Variants in MAPK12 observed in about 807,000 individuals in gnomAD.
MAPK12 encodes the protein MAP kinase 12.
In MAPK12, 49 loss-of-function variants were observed where a neutral mutation model predicts 49.1. That is an observed-to-expected ratio of 1.00 (90% CI 0.79 to 1.27). The LOEUF (loss-of-function observed/expected upper bound fraction) is 1.27, where lower values mean the gene tolerates loss of function less well. MAPK12 is among the 50% of genes most tolerant of loss of function. The probability of loss-of-function intolerance (pLI) is 0.00; values close to 1 mark genes in which losing one functional copy is unlikely to be tolerated. For synonymous variants in MAPK12, 251 were observed against 209.7 expected, an observed-to-expected ratio of 1.20 and a Z score of -1.70; for missense variants, 554 against 502.4, an observed-to-expected ratio of 1.10 and a Z score of -0.98.
chr22:50,255,578 G>GCGCCCCCCCCCCCCCCCCCCCC, intron 9 of MAPK12, 37 bp downstream of exon 9: 1 of 1,582,016 alleles, frequency 6.3e-7, no homozygotes, highest in Non-Finnish European at 8.7e-7. Context: ...GCCCAGGTCC[G>GCGCCCCCCCCCCCCCCCCCCCC]CCCCCACCCC....
At chr22:50,259,878 C>T (rs777828777) in intron 2 of MAPK12, among the ~76,000 whole-genome samples, 4 of 140,366 alleles carry the variant, frequency 2.8e-5, no homozygotes, top group Admixed American at 7.3e-5. Context: ...GAGCGAAACT[C>T]GGTCTCAAAA....
chr22:50,253,474 G>A lies in MAPK12; in HGVS notation c.1031C>T (p.Thr344Ile), dbSNP rs562826406. 5.0e-4 allele frequency: 565 copies of A among 1,134,370 alleles called. 14 individuals are homozygous for A. In the South Asian group the frequency reaches 6.8e-3, roughly 14 times the overall value. The allele number at this position is 1,134,370 out of a possible 1,614,324, so 70.3% of individuals were successfully genotyped here. The change falls in exon 12 of 12, where the codon ACT (threonine) becomes ATT (isoleucine). Residue 344 changes from threonine to isoleucine, a missense_variant. Transcript: ENST00000215659. ...CTTGAAGCTGAGCACCTCTTTGTAA[G>A]TAACACCTGGCGGGGGTGGGGGGGC... ...DRTLDEWKRV[T>I]YKEVLSFKPP...
Position 50,253,083 on chromosome 22 carries a change from A to G in MAPK12, c.*318T>C. ...GCATGGCCCAGAGCAGGCAGGGCTCAGAGGCCAAGGCCTGATCTGGAGCCC... is the reference window on the plus strand; with the variant it reads ...GCATGGCCCAGAGCAGGCAGGGCTCGGAGGCCAAGGCCTGATCTGGAGCCC... On this transcript the variant is annotated 3_prime_UTR_variant, in exon 12 of 12. Coordinates refer to ENST00000215659, the MANE Select transcript of MAPK12 (RefSeq NM_002969.6). 1 of 421,194 alleles carries G rather than the reference A, an allele frequency of 2.4e-6. No homozygotes were observed. Among genetic ancestry groups the G allele is most frequent in the Non-Finnish European group, 4.5e-6 (1 of 223,404 alleles). 26.1% of individuals were successfully genotyped at this position (421,194 alleles called of 1,614,324 possible).
At chr22:50,257,472 A>G in intron 3 of MAPK12, 1 of 538,608 alleles carries the variant, frequency 1.9e-6, no homozygotes, top group Non-Finnish European at 3.4e-6. Context: ...GGGTTTTTGA[A>G]CCCTCCGCTG....
In MAPK12 at chr22:50,255,631, C is replaced by T. The variant is rs776952708; in HGVS notation, c.755G>A (p.Arg252Gln). ...ACCCCTTACCTCATCGCTCTGCAGC[C>T]GCTGCACAAACTCAGCCGGAGGCGT... ...TGTPPAEFVQ[R>Q]LQSDEAKNYM... The change falls in exon 9 of 12, where the codon CGG (arginine) becomes CAG (glutamine). Residue 252 changes from arginine to glutamine, a missense_variant. By Grantham distance (43) the Arg-to-Gln change is conservative. Coordinates refer to ENST00000215659, the MANE Select transcript of MAPK12 (RefSeq NM_002969.6). The T allele has an allele frequency of 1.4e-5, 22 of 1,611,508 alleles. No homozygotes were observed. Among genetic ancestry groups the T allele is most frequent in the Non-Finnish European group, 1.9e-5 (22 of 1,179,704 alleles).
chr22:50,257,016 A>T (rs750005095), intron 4 of MAPK12, 52 bp from the exon 5 acceptor site: 1 of 1,602,212 alleles, frequency 6.2e-7, no homozygotes, highest in Non-Finnish European at 8.5e-7. Flanking sequence ...TCAGAGCCAC[A>T]GGGCCCTCCT....
intron 11 of MAPK12, 22 bp from the exon 12 acceptor site, chr22:50,253,502 G>GGGGAGGGGGGA: frequency 5.8e-6 from 1 of 171,686 alleles, no homozygotes. Context: ...GGGGGGGCGG[G>GGGGAGGGGGGA]CACAACAGAG....
intron 3 of MAPK12, 38 bp downstream of exon 3, chr22:50,258,205 C>G: frequency 6.2e-7 from 1 of 1,604,942 alleles, no homozygotes; most frequent in Non-Finnish European, 8.5e-7. Context: ...CTGCCCAACA[C>G]CCCTCGTGCC....
intron 11 of MAPK12, chr22:50,254,697 G>A (rs1223018944): frequency 9.5e-7 from 1 of 1,050,136 alleles, no homozygotes; most frequent in Non-Finnish European, 1.2e-6. Flanking sequence ...GATTCAGGAG[G>A]TGTGAGCAGA....
intron 7 of MAPK12, 62 bp downstream of exon 7, chr22:50,256,023 T>A: frequency 6.5e-7 from 1 of 1,541,192 alleles, no homozygotes; most frequent in Non-Finnish European, 8.9e-7. Context: ...GGGCTGTCCG[T>A]GAAGAAGTGG....
At chr22:50,261,129 G>C in intron 2 of MAPK12, 38 bp downstream of exon 2, 1 of 1,540,268 alleles carries the variant, frequency 6.5e-7, no homozygotes, top group Non-Finnish European at 8.8e-7. Flanking sequence ...CCAAGCCGAG[G>C]CCGCGGCGCC....
intron 2 of MAPK12, among the ~76,000 whole-genome samples, chr22:50,260,315 G>A (rs541739188): frequency 6.6e-6 from 1 of 152,100 alleles, no homozygotes; most frequent in South Asian, 2.1e-4. Flanking sequence ...TGACCCAGGA[G>A]GGTCCAGAGC....
chr22:50,253,496 G>C lies in MAPK12; in HGVS notation c.1025-16C>G. 2.1e-6 allele frequency: 1 copy of C among 481,172 alleles called. No homozygotes were observed. The highest frequency in any genetic ancestry group is 4.2e-6 in the Non-Finnish European group (1 of 238,336). The allele number at this position is 481,172 out of a possible 1,614,324, so 29.8% of individuals were successfully genotyped here. A position where few individuals can be genotyped will look rare whatever the true frequency, so the allele number is the denominator to read the frequency against. Reference sequence around the variant, plus strand: ...TAAGTAACACCTGGCGGGGGTGGGGGGGCGGGCACAACAGAGAGGGGGGTC... The same window carrying C: ...TAAGTAACACCTGGCGGGGGTGGGGCGGCGGGCACAACAGAGAGGGGGGTC... On this transcript the variant is annotated splice_polypyrimidine_tract_variant and intron_variant, in intron 11 of 11. Coordinates refer to ENST00000215659, the MANE Select transcript of MAPK12 (RefSeq NM_002969.6).
At chr22:50,253,501 G>GGGGGT in intron 11 of MAPK12, 21 bp from the exon 12 acceptor site, 1 of 354,168 alleles carries the variant, frequency 2.8e-6, no homozygotes. Context: ...TGGGGGGGCG[G>GGGGGT]GCACAACAGA....
intron 11 of MAPK12, 22 bp from the exon 12 acceptor site, chr22:50,253,502 G>GGGGGGGGGCCCCCCCCC: frequency 5.8e-6 from 1 of 171,656 alleles, no homozygotes; most frequent in Non-Finnish European, 1.1e-5. Flanking sequence ...GGGGGGGCGG[G>GGGGGGGGGCCCCCCCCC]CACAACAGAG....
At chr22:50,259,450 G>A (rs916140328) in intron 2 of MAPK12, among the ~76,000 whole-genome samples, 1 of 152,206 alleles carries the variant, frequency 6.6e-6, no homozygotes, top group Non-Finnish European at 1.5e-5. Context: ...CGCTGAGCAA[G>A]GCACGTGGCC....
rs1298672044 is a variant in MAPK12 at position 50,257,207 on chromosome 22, C to A, written c.315-14G>T. 6 of 1,602,220 alleles carry A rather than the reference C, an allele frequency of 3.7e-6. No homozygotes were observed. The highest frequency in any genetic ancestry group is 5.1e-6 in the Non-Finnish European group (6 of 1,171,382). On this transcript the variant is annotated splice_polypyrimidine_tract_variant and intron_variant, in intron 3 of 11. Coordinates refer to ENST00000215659, the MANE Select transcript of MAPK12 (RefSeq NM_002969.6). ...ATCACCAGGTAACTGTGGGAGGGGC[C>A]GGAGCGCTGTCAGCGGACAGAGCCA... is the stretch of plus-strand genomic sequence containing the variant.
intron 11 of MAPK12, 182 bp downstream of exon 11, chr22:50,255,015 A>G: frequency 1.4e-6 from 2 of 1,476,648 alleles, no homozygotes; most frequent in Non-Finnish European, 1.8e-6. Flanking sequence ...ATGGGGATCT[A>G]GGACTCTGAG....
chr22:50,259,621 G>T (rs934649377), intron 2 of MAPK12, among the ~76,000 whole-genome samples: 3 of 152,142 alleles, frequency 2.0e-5, no homozygotes, highest in Non-Finnish European at 4.4e-5. Context: ...GGTGGCTCAC[G>T]CCTGTAACCC....
Sources: allele counts gnomAD v4.1 joint callset (sites outside exome capture counted in the v4.1 genomes callset), GRCh38; gene constraint gnomAD v4.1.1; transcripts MANE v1.5; gene names NCBI Gene and HGNC (gene_info 2026-07-23, HGNC 2026-07-21).